Variants in TXNDC8 observed in about 807,000 individuals in gnomAD.
TXNDC8 encodes thioredoxin domain-containing protein 8.
TXNDC8 carries 15 observed loss-of-function variants against 12.9 expected under a neutral mutation model. The ratio of observed to expected loss-of-function variants is 1.16; its 90% CI spans 0.78 to 1.79. TXNDC8 has a LOEUF of 1.79. TXNDC8 is among the 40% of genes most tolerant of loss of function. TXNDC8 has a pLI of 0.00. For synonymous variants in TXNDC8, 40 were observed against 35.4 expected (o/e 1.13, Z -0.46); for missense variants, 128 against 113.2 (o/e 1.13, Z -0.59).
At chr9:110,310,923 T>G (rs748527693) in intron 3 of TXNDC8, among the ~76,000 whole-genome samples, 8 of 152,378 alleles carry the variant, frequency 5.3e-5, no homozygotes, top group Non-Finnish European at 7.3e-5. Context: ...ATTGGTTTAA[T>G]GAAAATAGTT....
chr9:110,306,251 C>A lies in TXNDC8; in HGVS notation c.196-1719G>T, dbSNP rs138778774. ...GCATCCTTGACAACACTTGATATTG[C>A]CAGTCTTTTTCATGTTAACAATTCT... On this transcript the variant is annotated intron_variant, in intron 3 of 4. Coordinates refer to ENST00000423740, the MANE Select transcript of TXNDC8 (RefSeq NM_001286946.2). Among the ~76,000 whole-genome samples the A allele has an allele frequency of 3.3e-5, 5 of 152,318 alleles. No homozygotes were observed. The East Asian group carries it at 9.6e-4, about 29-fold the overall frequency.
At chr9:110,326,661 C>T (rs962225039) in intron 2 of TXNDC8, among the ~76,000 whole-genome samples, 2 of 146,760 alleles carry the variant, frequency 1.4e-5, no homozygotes, top group Admixed American at 6.6e-5. Context: ...AGACGTGGAA[C>T]GCATCCTGAT....
At chr9:110,323,661 G>A (rs1839195273) in intron 3 of TXNDC8, 1 of 467,110 alleles carries the variant, frequency 2.1e-6, no homozygotes, top group African/African-American at 2.0e-5. Flanking sequence ...AACCAACCCA[G>A]AGTTTACATA....
intron 1 of TXNDC8, 81 bp downstream of exon 1, chr9:110,337,692 G>T: frequency 7.6e-7 from 1 of 1,318,756 alleles, no homozygotes; most frequent in African/African-American, 1.5e-5. Flanking sequence ...TGGATAGAGA[G>T]AACACATTCT....
intron 1 of TXNDC8, among the ~76,000 whole-genome samples, chr9:110,334,679 G>T (rs1471114956): frequency 6.6e-6 from 1 of 152,172 alleles, no homozygotes; most frequent in Non-Finnish European, 1.5e-5. Context: ...GCACCAAAAA[G>T]GTTGGTAATG....
rs763682901 is a variant in TXNDC8, at chr9:110,304,470, G to T, written c.258C>A (p.Asn86Lys). The change falls in exon 4 of 5, where the codon AAC becomes AAA. Residue 86 changes from asparagine (N) to lysine (K), a missense_variant. Asn to Lys is a moderately conservative substitution (Grantham distance 94). Transcript: ENST00000423740. ...AACTTGATCCCATTTCACTTACCAG[G>T]TTGCTCATGAATCCACTTCTATAAC... 6.2e-7 allele frequency: 1 copy of T among 1,608,648 alleles called. No homozygotes were observed. Among genetic ancestry groups the T allele is most frequent in the Non-Finnish European group, 8.5e-7 (1 of 1,176,620 alleles).
At chr9:110,323,625 AT>A in intron 3 of TXNDC8, 1 of 321,936 alleles carries the variant, frequency 3.1e-6, no homozygotes, top group Non-Finnish European at 5.4e-6. Context: ...GTTCATCAGA[AT>A]TTTTTGGGTT....
At chr9:110,304,574 T>A (rs760017286) in intron 3 of TXNDC8, 42 bp from the exon 5 acceptor site, 1 of 1,574,340 alleles carries the variant, frequency 6.4e-7, no homozygotes, top group Non-Finnish European at 8.7e-7. Context: ...CTGAGTTGCC[T>A]GGTTTGTAAC....
At chr9:110,306,357 A>G (rs1838467961) in intron 3 of TXNDC8, among the ~76,000 whole-genome samples, 1 of 152,212 alleles carries the variant, frequency 6.6e-6, no homozygotes, top group East Asian at 1.9e-4. Flanking sequence ...AGCAATGGCT[A>G]TATAACTTGT....
chr9:110,308,564 T>G (rs1838546175), intron 3 of TXNDC8, among the ~76,000 whole-genome samples: 1 of 152,084 alleles, frequency 6.6e-6, no homozygotes, highest in South Asian at 2.1e-4. Context: ...TTCCAAATTA[T>G]GGGTAACAAG....
intron 3 of TXNDC8, among the ~76,000 whole-genome samples, chr9:110,307,598 C>A (rs756952975): frequency 5.3e-5 from 8 of 152,150 alleles, no homozygotes; most frequent in Non-Finnish European, 1.0e-4. Flanking sequence ...CCCCAAATCA[C>A]TAAGCTAAAG....
In TXNDC8 at chr9:110,305,582, CTTTCTTTCTTTCTTTCTTTCTT is replaced by C. The variant is rs1287000736; in HGVS notation, c.196-1072_196-1051del. Among the ~76,000 whole-genome samples, 1,159 of 140,316 alleles carry C rather than the reference CTTTCTTTCTTTCTTTCTTTCTT, an allele frequency of 8.3e-3. 13 individuals are homozygous for C. Among genetic ancestry groups the C allele is most frequent in the African/African-American group, 0.032 (1,101 of 34,142 alleles). The allele number at this position is 140,316 out of a possible 152,430, so 92.1% of individuals were successfully genotyped here. On this transcript the variant is annotated intron_variant, in intron 3 of 4. Transcript: ENST00000423740. ...TCTTTCTTTCTTTCTTTCTTTCTTT[CTTTCTTTCTTTCTTTCTTTCTT>C]TCTTTCTTTTTCTTCCTTCCTTCCT... is the stretch of plus-strand genomic sequence containing the variant.
chr9:110,312,612 T>A (rs1838730548), intron 3 of TXNDC8, among the ~76,000 whole-genome samples: 1 of 152,220 alleles, frequency 6.6e-6, no homozygotes, highest in African/African-American at 2.4e-5. Flanking sequence ...AAAAAAGTCT[T>A]ATCTGAGATT....
chr9:110,326,940 GCACACACA>G (rs377527245), intron 2 of TXNDC8, among the ~76,000 whole-genome samples: 52 of 143,028 alleles, frequency 3.6e-4, no homozygotes, highest in Middle Eastern at 3.5e-3. Flanking sequence ...TGCTACTCAT[GCACACACA>G]CACACACACA....
chr9:110,319,734 C>T (rs1210443137), intron 3 of TXNDC8, among the ~76,000 whole-genome samples: 1 of 152,180 alleles, frequency 6.6e-6, no homozygotes, highest in Non-Finnish European at 1.5e-5. Context: ...TATTGTTTAC[C>T]TTATTGTCCC....
chr9:110,333,622 G>A (rs535582318), intron 2 of TXNDC8, among the ~76,000 whole-genome samples: 2 of 152,236 alleles, frequency 1.3e-5, no homozygotes, highest in African/African-American at 4.8e-5. Context: ...GGTTTCATTT[G>A]GAGGTGATGG....
At chr9:110,321,102 T>G (rs1277760277) in intron 3 of TXNDC8, among the ~76,000 whole-genome samples, 1 of 152,238 alleles carries the variant, frequency 6.6e-6, no homozygotes, top group Non-Finnish European at 1.5e-5. Context: ...TTTTTCAAGT[T>G]CTATTTTATT....
chr9:110,307,503 T>A (rs1838512695), intron 3 of TXNDC8, among the ~76,000 whole-genome samples: 1 of 152,212 alleles, frequency 6.6e-6, no homozygotes, highest in East Asian at 1.9e-4. Context: ...ACAGATAGCT[T>A]TCTTTTGAAG....
intron 3 of TXNDC8, among the ~76,000 whole-genome samples, chr9:110,321,776 C>A (rs1839106372): frequency 6.6e-6 from 1 of 151,522 alleles, no homozygotes; most frequent in Non-Finnish European, 1.5e-5. Context: ...GGCTGGCCAT[C>A]CAAACCTGCC....
Sources: gnomAD v4.1 joint callset for allele counts (sites outside exome capture counted in the v4.1 genomes callset) on GRCh38, gnomAD v4.1.1 for gene constraint, MANE v1.5 for transcripts, NCBI Gene and HGNC (gene_info 2026-07-23, HGNC 2026-07-21) for gene names.